MDN1: variants seen among roughly 807,000 people sequenced by gnomAD.
The protein encoded by MDN1 is midasin.
Under a neutral mutation model 669.2 loss-of-function variants are expected in MDN1, and 266 were observed. The ratio of observed to expected loss-of-function variants is 0.40; its 90% CI spans 0.36 to 0.44. MDN1 has a LOEUF of 0.44. Ranked by LOEUF, MDN1 falls within the 20% of genes least tolerant of loss-of-function variation. The probability of loss-of-function intolerance (pLI) is 1.00; values close to 1 mark genes in which losing one functional copy is unlikely to be tolerated. For synonymous variants in MDN1, 2,385 were observed against 2,457.1 expected (o/e 0.97, Z 0.87); for missense variants, 5,940 against 6,754.0 (o/e 0.88, Z 4.22).
At chr6:89,769,922 G>A (rs1817995921) in intron 15 of MDN1, among the ~76,000 whole-genome samples, 1 of 152,112 alleles carries the variant, frequency 6.6e-6, no homozygotes, top group Non-Finnish European at 1.5e-5. Context: ...AATTACTAAA[G>A]ACATATAGAT....
At chr6:89,731,334 T>C (rs1815578874) in intron 34 of MDN1, among the ~76,000 whole-genome samples, 1 of 152,168 alleles carries the variant, frequency 6.6e-6, no homozygotes, top group South Asian at 2.1e-4. Context: ...GTGCTTCTAT[T>C]CACAATAGCA....
At chr6:89,790,552 T>A in intron 5 of MDN1, 151 bp from the exon 6 acceptor site, 1 of 968,326 alleles carries the variant, frequency 1.0e-6, no homozygotes, top group South Asian at 1.4e-5. Flanking sequence ...GTATGTCATC[T>A]AAAGATCTCA....
At chr6:89,735,122 T>C (rs895793484) in intron 33 of MDN1, among the ~76,000 whole-genome samples, 3 of 152,090 alleles carry the variant, frequency 2.0e-5, no homozygotes, top group Non-Finnish European at 4.4e-5. Context: ...TCTCTTGACC[T>C]CGTGATCTGC....
intron 69 of MDN1, 53 bp from the exon 70 acceptor site, chr6:89,686,026 A>G: frequency 6.4e-7 from 1 of 1,555,236 alleles, no homozygotes; most frequent in East Asian, 2.3e-5. Context: ...ATGACTCCCT[A>G]TTCCTAACAT....
rs752768560 is a variant in MDN1 at position 89,688,134 on chromosome 6, A to G, written c.11299T>C (p.Ser3767Pro). ...TTCAGGAACTTTGAGATGGGACTGG[A>G]AAGTGGGAAACTACGAATTCTGTCC... ...VMDRIRSFPLSSPISKFLNGL... is the reference protein window; with the variant it reads ...VMDRIRSFPLPSPISKFLNGL... The change falls in exon 67 of 102, where the codon TCC becomes CCC. Residue 3767 changes from serine (S) to proline (P), a missense_variant. Around this residue, in one of 5 missense-constraint regions of MDN1, gnomAD observed 2,280 missense variants for 2,576.3 expected, o/e 0.88. Transcript: ENST00000369393. 2.5e-6 allele frequency: 4 copies of G among 1,614,172 alleles called. No homozygotes were observed. Among genetic ancestry groups the G allele is most frequent in the Non-Finnish European group, 3.4e-6 (4 of 1,180,006 alleles).
rs771734970 is a variant in MDN1 at position 89,751,424 on chromosome 6, C to T, written c.3227+7G>A. On this transcript the variant is annotated splice_region_variant and intron_variant, in intron 23 of 101. Coordinates refer to ENST00000369393, the MANE Select transcript of MDN1 (RefSeq NM_014611.3). ...AGTTCGGGGCAGCGAGAAAAAAGCC[C>T]ACACACCCTGCAGAGACAACTCGGA... The T allele has an allele frequency of 2.5e-6, 4 of 1,614,070 alleles. No individual in the cohort carries two copies. The Admixed American group carries it at 6.7e-5, about 27-fold the overall frequency.
intron 53 of MDN1, among the ~76,000 whole-genome samples, chr6:89,705,689 C>T (rs1454078385): frequency 6.6e-6 from 1 of 151,994 alleles, no homozygotes; most frequent in Non-Finnish European, 1.5e-5. Context: ...TACAACTGAT[C>T]CACAGTAAGA....
chr6:89,768,409 T>C (rs1183234918), intron 15 of MDN1, among the ~76,000 whole-genome samples: 1 of 152,140 alleles, frequency 6.6e-6, no homozygotes, highest in Non-Finnish European at 1.5e-5. Context: ...ACGACTTTGC[T>C]CCTCCTTGTC....
In MDN1 at chr6:89,686,943, A is replaced by C; in HGVS notation, c.11531T>G (p.Met3844Arg). The change falls in exon 69 of 102, where the codon ATG (methionine) becomes AGG (arginine). Residue 3844 changes from methionine (M) to arginine (R), a missense_variant. By Grantham distance (91) the Met-to-Arg change is moderately conservative. This residue lies in a region of MDN1 where 2,280 missense variants were observed against 2,576.3 expected (regional missense o/e 0.88). Coordinates refer to ENST00000369393, the MANE Select transcript of MDN1 (RefSeq NM_014611.3). ...STKHWFSIYQ[M>R]LEKHMQEQTE... ...TTGTTCCTGCATGTGCTTCTCAAGC[A>C]TCTGATAGATGGAGAACCAGTGCTT... The C allele has an allele frequency of 6.2e-7, 1 of 1,613,664 alleles. No homozygotes were observed. The highest frequency in any genetic ancestry group is 8.5e-7 in the Non-Finnish European group (1 of 1,179,938).
intron 1 of MDN1, among the ~76,000 whole-genome samples, chr6:89,811,402 T>C (rs1205226298): frequency 6.6e-6 from 1 of 151,988 alleles, no homozygotes; most frequent in East Asian, 1.9e-4. Context: ...TTGTAGGAAA[T>C]AAAAACAGGA....
rs1768215929 is a variant in MDN1, at chr6:89,809,238, A to G, written c.103-5684T>C. Among the ~76,000 whole-genome samples, 4 of 151,460 alleles carry G rather than the reference A, an allele frequency of 2.6e-5. No homozygotes were observed. In the South Asian group the frequency reaches 8.3e-4, roughly 32 times the overall value. The stretch of plus-strand genomic sequence containing the variant: ...CTCAAAAAAAAAAAAAAAAAAAAAA[A>G]AGAAGTATGTATATTTGACTCTTTT... On this transcript the variant is annotated intron_variant, in intron 1 of 101. Transcript: ENST00000369393.
chr6:89,682,191 C>A (rs1004665923), intron 73 of MDN1, among the ~76,000 whole-genome samples: 6 of 152,230 alleles, frequency 3.9e-5, no homozygotes, highest in African/African-American at 1.4e-4. Context: ...CATATTCACA[C>A]CCTGTGCAGT....
chr6:89,745,132 C>G, intron 29 of MDN1, 141 bp downstream of exon 29: 2 of 310,420 alleles, frequency 6.4e-6, no homozygotes, highest in Non-Finnish European at 4.7e-6. Context: ...TTAGTCTCTT[C>G]TTAAAAAAAA....
chr6:89,670,162 A>AT (rs1562061975), intron 83 of MDN1, among the ~76,000 whole-genome samples: 37 of 22,278 alleles, frequency 1.7e-3, no homozygotes, highest in Non-Finnish European at 2.4e-3. Flanking sequence ...ATATATATAT[A>AT]TATATATATT....
Position 89,692,587 on chromosome 6 carries a change from T to C in MDN1, c.10443A>G (p.Gly3481=). 6.2e-7 allele frequency: 1 copy of C among 1,614,226 alleles called. No individual in the cohort carries two copies. Among genetic ancestry groups the C allele is most frequent in the Non-Finnish European group, 8.5e-7 (1 of 1,180,036 alleles). ...TCTGGCCCTTGCCTTCCAGCTCCTT[T>C]CCTCCTGAGCGCTTGAGGATTAGCT... ...LGKLILKRSG[G]KELEGKGQKA... Residue 3481 remains glycine (G), a synonymous_variant, in exon 63 of 102, where the codon GGA becomes GGG. Transcript: ENST00000369393.
intron 45 of MDN1, among the ~76,000 whole-genome samples, chr6:89,715,176 C>T (rs1237049293): frequency 6.6e-6 from 1 of 152,196 alleles, no homozygotes; most frequent in East Asian, 1.9e-4. Context: ...AGCTGATTCC[C>T]GGTAGACCCT....
In MDN1 at chr6:89,699,394, T is replaced by C. The variant is rs553877893; in HGVS notation, c.8997+207A>G. ...CTCATTTAATTGGAAACCAAATGAA[T>C]ACTCCTGTGATAAGAGTTGTAATAT... is the stretch of plus-strand genomic sequence containing the variant. On this transcript the variant is annotated intron_variant, in intron 58 of 101. Transcript: ENST00000369393. Among the ~76,000 whole-genome samples the C allele has an allele frequency of 8.5e-5, 13 of 152,350 alleles. No individual in the cohort carries two copies. In the East Asian group the frequency reaches 2.1e-3, roughly 25 times the overall value.
At chr6:89,803,769 G>C (rs1052648577) in intron 1 of MDN1, among the ~76,000 whole-genome samples, 4 of 151,682 alleles carry the variant, frequency 2.6e-5, no homozygotes, top group African/African-American at 9.7e-5. Context: ...TTTTAGTAGA[G>C]ACGGGGTTTC....
chr6:89,652,420 A>G, intron 94 of MDN1, 139 bp from the exon 95 acceptor site: 1 of 668,706 alleles, frequency 1.5e-6, no homozygotes, highest in Non-Finnish European at 2.6e-6. Flanking sequence ...AATTCAGCAA[A>G]TACAGTGGCA....
Sources: allele counts gnomAD v4.1 joint callset (sites outside exome capture counted in the v4.1 genomes callset), GRCh38; gene constraint gnomAD v4.1.1; regional missense constraint gnomAD v4.1.1; transcripts MANE v1.5; gene names NCBI Gene and HGNC (gene_info 2026-07-23, HGNC 2026-07-21).